CSMD1: variants seen among roughly 807,000 people sequenced by gnomAD.
CSMD1 encodes CUB and Sushi multiple domains 1.
Under a neutral mutation model 417.5 loss-of-function variants are expected in CSMD1, and 213 were observed. The ratio of observed to expected loss-of-function variants is 0.51; its 90% confidence interval spans 0.46 to 0.57. The LOEUF (loss-of-function observed/expected upper bound fraction) is 0.57, where lower values mean the gene tolerates loss of function less well. Among genes scored for constraint, CSMD1 ranks in the 20% least tolerant of loss-of-function variants. The probability of loss-of-function intolerance (pLI) is 0.00; values close to 1 mark genes in which losing one functional copy is unlikely to be tolerated. For missense variants in CSMD1, 6,923 were observed against 4,529.7 expected (o/e 1.53, Z -15.17); for synonymous variants, 2,862 against 1,736.8 (o/e 1.65, Z -16.11).
At chr8:4,051,077 G>A (rs894218169) in intron 3 of CSMD1, among the ~76,000 whole-genome samples, 1 of 151,948 alleles carries the variant, frequency 6.6e-6, no homozygotes, top group Admixed American at 6.6e-5. Context: ...GAAGCGCACT[G>A]CCCTGAGTTA....
Position 4,950,626 on chromosome 8 carries a change from G to T in CSMD1, c.85+43706C>A, listed in dbSNP as rs566740123. On this transcript the variant is annotated intron_variant, in intron 1 of 69. Transcript: ENST00000635120. ...AGGAAAAAGCAAAGTTACTTTTGTG[G>T]TAATATTTGTCATTGTTTTAAATGG... Among the ~76,000 whole-genome samples, 10 of 152,246 alleles carry T rather than the reference G, an allele frequency of 6.6e-5. No homozygotes were observed. In the South Asian group the frequency reaches 2.1e-3, roughly 32 times the overall value.
intron 3 of CSMD1, among the ~76,000 whole-genome samples, chr8:4,214,658 G>C (rs1034886140): frequency 2.6e-5 from 4 of 152,136 alleles, no homozygotes; most frequent in African/African-American, 9.7e-5. Context: ...GTGTATGTGT[G>C]TGTGTATGAG....
At chr8:4,916,422 G>A (rs890608275) in intron 1 of CSMD1, among the ~76,000 whole-genome samples, 2 of 152,114 alleles carry the variant, frequency 1.3e-5, no homozygotes, top group Non-Finnish European at 2.9e-5. Flanking sequence ...ATATAAATAT[G>A]GCTTTCATTT....
At chr8:4,526,417 G>A (rs182223348) in intron 2 of CSMD1, among the ~76,000 whole-genome samples, 5 of 152,268 alleles carry the variant, frequency 3.3e-5, no homozygotes, top group African/African-American at 9.6e-5. Context: ...TATGCCCAAG[G>A]GCAAATGCCT....
intron 17 of CSMD1, among the ~76,000 whole-genome samples, chr8:3,388,912 CA>C: frequency 2.4e-5 from 1 of 41,598 alleles, no homozygotes; most frequent in African/African-American, 1.4e-4. Flanking sequence ...CACACACACA[CA>C]CACACACACA....
chr8:3,497,194 C>T (rs1241466014), intron 10 of CSMD1, among the ~76,000 whole-genome samples: 1 of 152,076 alleles, frequency 6.6e-6, no homozygotes, highest in Non-Finnish European at 1.5e-5. Flanking sequence ...TTTAACACTT[C>T]TTTATTAATT....
At chr8:4,457,145 T>C (rs780697247) in intron 2 of CSMD1, among the ~76,000 whole-genome samples, 55 of 152,260 alleles carry the variant, frequency 3.6e-4, no homozygotes, top group Non-Finnish European at 6.8e-4. Context: ...CTATACCTTT[T>C]GATACCATGA....
In CSMD1 at chr8:3,743,141, G is replaced by C. The variant is rs114111648; in HGVS notation, c.931+10789C>G. ...GAGAGACTTGCTCAGTGTCATGAAG[G>C]TCTTCAGGCTCCAAAAGCCAGCATC... On this transcript the variant is annotated intron_variant, in intron 6 of 69. Coordinates refer to ENST00000635120, the MANE Select transcript of CSMD1 (RefSeq NM_033225.6). Among the ~76,000 whole-genome samples the C allele has an allele frequency of 3.5e-3, 538 of 152,270 alleles. 4 individuals are homozygous for C. Among genetic ancestry groups the C allele is most frequent in the African/African-American group, 0.012 (508 of 41,574 alleles).
chr8:3,802,869 G>A (rs966805360), intron 5 of CSMD1, among the ~76,000 whole-genome samples: 22 of 152,152 alleles, frequency 1.4e-4, no homozygotes, highest in Admixed American at 1.4e-3. Flanking sequence ...CTTAGATGAT[G>A]TGGTCTTTAA....
chr8:3,275,084 G>C (rs1478626174), intron 26 of CSMD1, among the ~76,000 whole-genome samples: 1 of 152,114 alleles, frequency 6.6e-6, no homozygotes, highest in African/African-American at 2.4e-5. Flanking sequence ...TCCTTTCCAT[G>C]TTTAGCGCTT....
intron 3 of CSMD1, among the ~76,000 whole-genome samples, chr8:4,083,573 A>G (rs986616377): frequency 5.4e-4 from 82 of 152,182 alleles, no homozygotes; most frequent in African/African-American, 1.8e-3. Flanking sequence ...CAAACCTGAC[A>G]AAAAGAAGAA....
rs1818512310 is a variant in CSMD1, at chr8:3,141,885, C to T, written c.6241+580G>A. 5.9e-5 allele frequency among the ~76,000 whole-genome samples: 9 copies of T among 151,764 alleles called. No individual in the cohort carries two copies. The South Asian group carries it at 1.9e-3, about 32-fold the overall frequency. On this transcript the variant is annotated intron_variant, in intron 41 of 69. Transcript: ENST00000635120. ...CGATCTCTCCTCACTGCAAGCTCCGCCTCCCGGGTTCACGCCACTCTCCTG... is the reference window on the plus strand; with the variant it reads ...CGATCTCTCCTCACTGCAAGCTCCGTCTCCCGGGTTCACGCCACTCTCCTG...
chr8:4,404,918 G>A (rs938189064), intron 3 of CSMD1, among the ~76,000 whole-genome samples: 3 of 152,288 alleles, frequency 2.0e-5, no homozygotes, highest in South Asian at 2.1e-4. Flanking sequence ...AAAAGCCTAT[G>A]ATGTCAGTCA....
At chr8:3,183,970 C>T (rs1258148826) in intron 36 of CSMD1, among the ~76,000 whole-genome samples, 1 of 152,168 alleles carries the variant, frequency 6.6e-6, no homozygotes, top group East Asian at 1.9e-4. Flanking sequence ...CTCCATTCAG[C>T]AGTCAGAAAA....
In CSMD1 at chr8:3,838,452, C is replaced by G. The variant is rs566001622; in HGVS notation, c.819-84410G>C. 2.5e-4 allele frequency among the ~76,000 whole-genome samples: 36 copies of G among 146,830 alleles called. No homozygotes were observed. The South Asian group carries it at 7.7e-3, about 31-fold the overall frequency. On this transcript the variant is annotated intron_variant, in intron 5 of 69. Coordinates refer to ENST00000635120, the MANE Select transcript of CSMD1 (RefSeq NM_033225.6). Reference sequence around the variant, plus strand: ...AGGGAGTGTAAGAGTATAGACTATACATATATAGGCTATATTATATTATAT... The same window carrying G: ...AGGGAGTGTAAGAGTATAGACTATAGATATATAGGCTATATTATATTATAT...
At chr8:3,244,854 A>C (rs959853790) in intron 26 of CSMD1, among the ~76,000 whole-genome samples, 3 of 152,322 alleles carry the variant, frequency 2.0e-5, no homozygotes, top group South Asian at 4.1e-4. Context: ...GCTTGGCAGC[A>C]AGCAGCCTCA....
At chr8:4,758,731 A>T (rs1811833258) in intron 1 of CSMD1, among the ~76,000 whole-genome samples, 1 of 152,172 alleles carries the variant, frequency 6.6e-6, no homozygotes, top group Non-Finnish European at 1.5e-5. Flanking sequence ...AGCCCAGGGG[A>T]AACTGCCATT....
At chr8:3,867,867 G>A (rs1640262751) in intron 5 of CSMD1, among the ~76,000 whole-genome samples, 1 of 151,950 alleles carries the variant, frequency 6.6e-6, no homozygotes, top group African/African-American at 2.4e-5. Flanking sequence ...ATGGACCACT[G>A]GCCAGATCTT....
intron 2 of CSMD1, among the ~76,000 whole-genome samples, chr8:4,563,272 G>C (rs545416969): frequency 7.6e-4 from 115 of 152,214 alleles, no homozygotes; most frequent in African/African-American, 2.6e-3. Flanking sequence ...ATGGTGGCGG[G>C]CACCTGTAGT....
Sources: allele counts gnomAD v4.1 joint callset (sites outside exome capture counted in the v4.1 genomes callset), GRCh38; gene constraint gnomAD v4.1.1; transcripts MANE v1.5; gene names NCBI Gene and HGNC (gene_info 2026-07-23, HGNC 2026-07-21).